Variants in RANBP17 observed in about 807,000 individuals in gnomAD.
RANBP17 encodes the protein RAN binding protein 17, also known as ran-binding protein 17.
In RANBP17, 158 loss-of-function variants were observed where a neutral mutation model predicts 141.2. The observed-to-expected ratio is 1.12, with a 90% CI of 0.98 to 1.28. RANBP17 has a LOEUF of 1.28. Among genes scored for constraint, RANBP17 ranks in the 50% most tolerant of loss-of-function variants. RANBP17 has a pLI of 0.00. For synonymous variants in RANBP17, 430 were observed against 450.0 expected, an observed-to-expected ratio of 0.96 and a Z score of 0.56; for missense variants, 1,438 against 1,290.7, an observed-to-expected ratio of 1.11 and a Z score of -1.75.
intron 13 of RANBP17, 117 bp from the exon 14 acceptor site, chr5:170,968,117 ATATTTTTT>A (rs1227341374): frequency 1.6e-6 from 1 of 637,324 alleles, no homozygotes; most frequent in Non-Finnish European, 2.5e-6. Context: ...TATTTTCTTT[ATATTTTTT>A]TATTTTCCCA....
intron 14 of RANBP17, among the ~76,000 whole-genome samples, chr5:171,109,229 G>A (rs1282131795): frequency 6.6e-6 from 1 of 152,186 alleles, no homozygotes; most frequent in Admixed American, 6.5e-5. Context: ...TTGCGGTTAA[G>A]TAGGAAATTT....
intron 14 of RANBP17, among the ~76,000 whole-genome samples, chr5:170,985,735 A>C (rs548894308): frequency 6.6e-6 from 1 of 152,280 alleles, no homozygotes; most frequent in South Asian, 2.1e-4. Flanking sequence ...CTATTGTATA[A>C]ATGAATTCTC....
intron 1 of RANBP17, chr5:170,863,662 T>TA (rs1244215419): frequency 1.3e-5 from 2 of 152,134 alleles, no homozygotes; most frequent in East Asian, 3.9e-4. Context: ...AGAGCCCGAG[T>TA]AAATCTTGAG....
chr5:171,100,163 C>T (rs1581634536), intron 14 of RANBP17, among the ~76,000 whole-genome samples: 4 of 152,064 alleles, frequency 2.6e-5, no homozygotes, highest in South Asian at 2.1e-4. Context: ...TGTTTGGAAT[C>T]GTTTCAGAAG....
At chr5:171,213,605 A>G (rs1383491517) in intron 20 of RANBP17, 26 bp from the exon 21 acceptor site, 3 of 1,536,634 alleles carry the variant, frequency 2.0e-6, no homozygotes, top group Non-Finnish European at 2.7e-6. Context: ...TTAGACCCTT[A>G]AATTCTTTAA....
chr5:171,125,033 G>A (rs372676917), intron 14 of RANBP17, among the ~76,000 whole-genome samples: 8 of 152,162 alleles, frequency 5.3e-5, no homozygotes, highest in South Asian at 2.1e-4. Context: ...GGTGGCTCAC[G>A]CCTGTAATCC....
At chr5:171,094,825 T>C (rs1786562904) in intron 14 of RANBP17, among the ~76,000 whole-genome samples, 1 of 152,212 alleles carries the variant, frequency 6.6e-6, no homozygotes, top group Non-Finnish European at 1.5e-5. Flanking sequence ...AAGTTTTCAG[T>C]ATTCTGTCCC....
intron 12 of RANBP17, among the ~76,000 whole-genome samples, chr5:170,928,519 A>T (rs556403153): frequency 1.2e-4 from 18 of 152,112 alleles, no homozygotes; most frequent in Non-Finnish European, 2.1e-4. Flanking sequence ...GAATGTTGTG[A>T]GTTAAGGGTC....
chr5:170,973,916 A>G (rs892382195), intron 14 of RANBP17, among the ~76,000 whole-genome samples: 1 of 152,302 alleles, frequency 6.6e-6, no homozygotes, highest in East Asian at 1.9e-4. Flanking sequence ...CTCTGCCCTC[A>G]TGACCTAATT....
At chr5:170,904,248 C>A in intron 5 of RANBP17, 1 of 260,718 alleles carries the variant, frequency 3.8e-6, no homozygotes, top group Non-Finnish European at 7.9e-6. Context: ...TATGTGAAGC[C>A]CACATTCATG....
At chr5:170,962,969 G>A (rs1776259961) in intron 13 of RANBP17, among the ~76,000 whole-genome samples, 1 of 152,172 alleles carries the variant, frequency 6.6e-6, no homozygotes, top group South Asian at 2.1e-4. Context: ...GAGGGTAAAG[G>A]AGGGGAAAGT....
chr5:171,274,111 A>AGTGTGTGTGTGT (rs372324815), intron 25 of RANBP17, among the ~76,000 whole-genome samples: 6 of 143,208 alleles, frequency 4.2e-5, no homozygotes, highest in East Asian at 2.2e-4. Flanking sequence ...AGTTTGATCA[A>AGTGTGTGTGTGT]GTGTGTGTGT....
Position 170,892,457 on chromosome 5 carries a change from A to T in RANBP17, c.327A>T (p.Gln109His). The T allele has an allele frequency of 6.2e-7, 1 of 1,614,064 alleles. No individual in the cohort carries two copies. Among genetic ancestry groups the T allele is most frequent in the South Asian group, 1.1e-5 (1 of 91,064 alleles). ...CCTTTGTCATCCAAGCTCTTATTCA[A>T]GTCATTGCTAAAATCACTAAGTTGG... is the stretch of plus-strand genomic sequence containing the variant. ...LAPFVIQALI[Q>H]VIAKITKLGW... Residue 109 changes from glutamine to histidine, a missense_variant, in exon 4 of 28, where the codon CAA (glutamine) becomes CAT (histidine). By Grantham distance (24) the Gln-to-His change is conservative. Transcript: ENST00000523189.
At chr5:171,052,575 G>T (rs2127654306) in intron 14 of RANBP17, among the ~76,000 whole-genome samples, 1 of 152,162 alleles carries the variant, frequency 6.6e-6, no homozygotes, top group South Asian at 2.1e-4. Flanking sequence ...TTGTTCCTTT[G>T]TTCTGTATGT....
intron 13 of RANBP17, among the ~76,000 whole-genome samples, chr5:170,961,870 C>T (rs976552013): frequency 1.3e-5 from 2 of 152,138 alleles, no homozygotes; most frequent in African/African-American, 4.8e-5. Context: ...CTTTCCCTTC[C>T]CATAATAAAG....
rs530616591 is a variant in RANBP17, at chr5:171,190,159, A to G, written c.2038+6729A>G. 1.8e-3 allele frequency among the ~76,000 whole-genome samples: 267 copies of G among 152,336 alleles called. 3 individuals carry two copies. The highest frequency in any genetic ancestry group is 6.8e-3 in the Middle Eastern group (2 of 294). On this transcript the variant is annotated intron_variant, in intron 18 of 27. Transcript: ENST00000523189. ...ATTGAAAATGTCTTGTGTATAAGCCATGCACATTGGAGTGATTAGAAAGGG... is the reference window on the plus strand; with the variant it reads ...ATTGAAAATGTCTTGTGTATAAGCCGTGCACATTGGAGTGATTAGAAAGGG...
chr5:171,283,667 G>A (rs915298854), intron 25 of RANBP17, among the ~76,000 whole-genome samples: 3 of 152,276 alleles, frequency 2.0e-5, no homozygotes, highest in South Asian at 2.1e-4. Flanking sequence ...GGATCCTTTC[G>A]TAGTTCATGA....
At chr5:171,236,174 A>G (rs558662269) in intron 22 of RANBP17, among the ~76,000 whole-genome samples, 6 of 152,350 alleles carry the variant, frequency 3.9e-5, no homozygotes, top group African/African-American at 1.2e-4. Context: ...TTCTCTTCGC[A>G]TAACTGCTCC....
At position 171,114,235 on chromosome 5, in the gene RANBP17, C is replaced by T. The variant is rs750320476; in HGVS notation, c.1711-55895C>T. On this transcript the variant is annotated intron_variant, in intron 14 of 27. Transcript: ENST00000523189. ...GAACCTTCCTCATATTTCAGAACCT[C>T]ATATTTCAGAACCTTTCTTTTGGCA... 8.9e-4 allele frequency among the ~76,000 whole-genome samples: 135 copies of T among 152,152 alleles called. 1 individual carries two copies. Among genetic ancestry groups the T allele is most frequent in the Non-Finnish European group, 1.8e-3 (122 of 67,978 alleles).
Sources: gnomAD v4.1 joint callset for allele counts (sites outside exome capture counted in the v4.1 genomes callset) on GRCh38, gnomAD v4.1.1 for gene constraint, MANE v1.5 for transcripts, NCBI Gene and HGNC (gene_info 2026-07-23, HGNC 2026-07-21) for gene names.